Variants in ITPR2 observed in about 807,000 individuals in gnomAD.
ITPR2 encodes inositol 1,4,5-trisphosphate receptor type 2.
Under a neutral mutation model 317.1 loss-of-function variants are expected in ITPR2, and 207 were observed. The ratio of observed to expected loss-of-function variants is 0.65; its 90% CI spans 0.58 to 0.73. The LOEUF (loss-of-function observed/expected upper bound fraction) is 0.73. Among genes scored for constraint, ITPR2 ranks in the 30% least tolerant of loss-of-function variants. ITPR2 has a pLI of 0.00. For missense variants in ITPR2, 2,613 were observed against 3,284.0 expected (o/e 0.80, Z 4.99); for synonymous variants, 1,156 against 1,149.1 (o/e 1.01, Z -0.12).
rs367866464 is a variant in ITPR2 at position 26,719,710 on chromosome 12, G to A, written c.525+2687C>T. Among the ~76,000 whole-genome samples the A allele has an allele frequency of 1.9e-4, 29 of 152,146 alleles. No homozygotes were observed. In the East Asian group the frequency reaches 4.2e-3, roughly 22 times the overall value. ...GTTGGTGTGCTGCACCCATTAACTC[G>A]TCATTTAGCATTAGGTATATCTCCT... On this transcript the variant is annotated intron_variant, in intron 5 of 56. Coordinates refer to ENST00000381340, the MANE Select transcript of ITPR2 (RefSeq NM_002223.4).
intron 2 of ITPR2, 58 bp downstream of exon 2, chr12:26,790,099 C>T: frequency 2.7e-6 from 3 of 1,096,468 alleles, no homozygotes; most frequent in South Asian, 2.5e-5. Context: ...TACTTTGAGA[C>T]ATAAAAATAA....
intron 2 of ITPR2, among the ~76,000 whole-genome samples, chr12:26,769,838 A>G (rs538311547): frequency 1.3e-5 from 2 of 152,298 alleles, no homozygotes; most frequent in East Asian, 1.9e-4. Flanking sequence ...TAATTCATGG[A>G]AAGTATTTTG....
intron 2 of ITPR2, among the ~76,000 whole-genome samples, chr12:26,747,651 C>G (rs1256356230): frequency 6.6e-6 from 1 of 152,180 alleles, no homozygotes. Flanking sequence ...CATGGCTCAT[C>G]ACCTCTCAGC....
intron 55 of ITPR2, among the ~76,000 whole-genome samples, chr12:26,374,652 G>C (rs991972434): frequency 3.3e-5 from 5 of 152,202 alleles, no homozygotes; most frequent in Non-Finnish European, 5.9e-5. Context: ...TTAGGTGCTA[G>C]GATAGATGTG....
chr12:26,425,753 A>T (rs1438882454), intron 49 of ITPR2, among the ~76,000 whole-genome samples: 1 of 152,132 alleles, frequency 6.6e-6, no homozygotes, highest in Non-Finnish European at 1.5e-5. Flanking sequence ...CTGTGAAAGC[A>T]ATTACAGTCC....
intron 11 of ITPR2, 23 bp downstream of exon 11, chr12:26,686,458 C>T (rs780680943): frequency 1.3e-6 from 2 of 1,525,230 alleles, no homozygotes; most frequent in Non-Finnish European, 1.8e-6. Context: ...AAAGAAACAT[C>T]TTTTAACCAT....
At chr12:26,524,618 G>T (rs1943760597) in intron 37 of ITPR2, among the ~76,000 whole-genome samples, 1 of 152,006 alleles carries the variant, frequency 6.6e-6, no homozygotes, top group South Asian at 2.1e-4. Context: ...ACAGGTCTAT[G>T]TACAGGATCT....
At chr12:26,574,682 T>C (rs1187294451) in intron 34 of ITPR2, among the ~76,000 whole-genome samples, 1 of 152,184 alleles carries the variant, frequency 6.6e-6, no homozygotes, top group South Asian at 2.1e-4. Context: ...GACTCGTCGT[T>C]CTGCGGGCCA....
chr12:26,628,323 C>T (rs1432555000), intron 22 of ITPR2, among the ~76,000 whole-genome samples, 161 bp from the exon 23 acceptor site: 1 of 152,198 alleles, frequency 6.6e-6, no homozygotes, highest in Non-Finnish European at 1.5e-5. Flanking sequence ...AATGACTAAG[C>T]AAGGGAATTC....
chr12:26,483,599 C>A, intron 42 of ITPR2, 99 bp downstream of exon 42: 1 of 845,714 alleles, frequency 1.2e-6, no homozygotes, highest in South Asian at 1.5e-5. Context: ...GTAAAAATGT[C>A]TGGCAAAGCA....
At position 26,475,425 on chromosome 12, in the gene ITPR2, A is replaced by C; in HGVS notation, c.6220-7T>G. Reference sequence around the variant, plus strand: ...CATTCTTCATCACATCCACCTATCCAAAAAAAAAAAGAATATTGAAATGCC... The same window carrying C: ...CATTCTTCATCACATCCACCTATCCCAAAAAAAAAAGAATATTGAAATGCC... On this transcript the variant is annotated splice_polypyrimidine_tract_variant and splice_region_variant and intron_variant, in intron 44 of 56. Coordinates refer to ENST00000381340, the MANE Select transcript of ITPR2 (RefSeq NM_002223.4). 1.1e-6 allele frequency: 1 copy of C among 891,144 alleles called. No homozygotes were observed. Among genetic ancestry groups the C allele is most frequent in the South Asian group, 2.4e-5 (1 of 41,866 alleles). 55.2% of individuals were successfully genotyped at this position (891,144 alleles called of 1,614,324 possible).
intron 2 of ITPR2, among the ~76,000 whole-genome samples, chr12:26,771,478 G>C (rs1180668084): frequency 6.6e-6 from 1 of 152,140 alleles, no homozygotes; most frequent in African/African-American, 2.4e-5. Flanking sequence ...AGAAGTCATT[G>C]TGGGTTGTTT....
At chr12:26,740,966 C>T (rs1949219523) in intron 2 of ITPR2, among the ~76,000 whole-genome samples, 1 of 152,248 alleles carries the variant, frequency 6.6e-6, no homozygotes, top group South Asian at 2.1e-4. Flanking sequence ...GAATGGGCCA[C>T]CATGATTCCA....
intron 15 of ITPR2, among the ~76,000 whole-genome samples, chr12:26,660,205 G>A (rs941552009): frequency 4.6e-5 from 7 of 152,172 alleles, no homozygotes; most frequent in African/African-American, 7.2e-5. Flanking sequence ...AAGCAAAGTC[G>A]AAGTTTGAGA....
chr12:26,521,301 G>C (rs1943657601), intron 37 of ITPR2, among the ~76,000 whole-genome samples: 1 of 152,040 alleles, frequency 6.6e-6, no homozygotes, highest in Non-Finnish European at 1.5e-5. Flanking sequence ...TGCAGCGCAT[G>C]AAAAATAATT....
chr12:26,664,771 A>G (rs1322756232), intron 14 of ITPR2, among the ~76,000 whole-genome samples: 1 of 152,158 alleles, frequency 6.6e-6, no homozygotes, highest in African/African-American at 2.4e-5. Flanking sequence ...CAAGGTCCTA[A>G]AAGTCTTTGA....
chr12:26,771,180 T>A (rs1271684199), intron 2 of ITPR2, among the ~76,000 whole-genome samples: 1 of 152,176 alleles, frequency 6.6e-6, no homozygotes, highest in Non-Finnish European at 1.5e-5. Flanking sequence ...TAAAAAGACA[T>A]TATACATAAA....
intron 5 of ITPR2, among the ~76,000 whole-genome samples, chr12:26,718,569 C>CAT (rs1304336720): frequency 6.7e-6 from 1 of 148,544 alleles, no homozygotes; most frequent in Admixed American, 6.8e-5. Context: ...CAAATATGTG[C>CAT]ATATATATAG....
chr12:26,758,172 T>C (rs1949561997), intron 2 of ITPR2, among the ~76,000 whole-genome samples: 3 of 152,118 alleles, frequency 2.0e-5, no homozygotes, highest in Admixed American at 6.5e-5. Context: ...CCTTTCTCAC[T>C]CTCCATCCCC....
Sources: gnomAD v4.1 joint callset for allele counts (sites outside exome capture counted in the v4.1 genomes callset) on GRCh38, gnomAD v4.1.1 for gene constraint, MANE v1.5 for transcripts, NCBI Gene and HGNC (gene_info 2026-07-23, HGNC 2026-07-21) for gene names.